Variants in PBX1 observed in about 807,000 individuals in gnomAD.
The protein encoded by PBX1 is pre-B-cell leukemia transcription factor 1.
A neutral mutation model predicts 53.4 loss-of-function variants in PBX1; 6 were observed. That is an observed-to-expected ratio of 0.11 (90% CI 0.06 to 0.22). PBX1 has a LOEUF of 0.22. Among genes scored for constraint, PBX1 ranks in the 10% least tolerant of loss-of-function variants. The pLI, the probability that PBX1 is intolerant of heterozygous loss-of-function variation, is 1.00. For missense variants in PBX1, 251 were observed against 551.4 expected, an observed-to-expected ratio of 0.46 and a Z score of 5.46; for synonymous variants, 204 against 212.3, an observed-to-expected ratio of 0.96 and a Z score of 0.34.
chr1:164,764,694 T>C (rs538373419), intron 2 of PBX1, among the ~76,000 whole-genome samples: 19 of 152,324 alleles, frequency 1.2e-4, no homozygotes, highest in African/African-American at 4.3e-4. Context: ...TGTCTAGTTA[T>C]AGCCCACCTA....
intron 4 of PBX1, among the ~76,000 whole-genome samples, chr1:164,806,165 C>T (rs1669335842): frequency 6.6e-6 from 1 of 152,170 alleles, no homozygotes; most frequent in African/African-American, 2.4e-5. Context: ...TCAAGGAGGG[C>T]CAACCAGCCC....
chr1:164,614,489 A>G (rs1344143636), intron 2 of PBX1, among the ~76,000 whole-genome samples: 1 of 150,688 alleles, frequency 6.6e-6, no homozygotes, highest in Non-Finnish European at 1.5e-5. Flanking sequence ...TGCCACCCCC[A>G]CTCCTACCTC....
chr1:164,818,695 G>C (rs547655077), intron 6 of PBX1: 8 of 150,272 alleles, frequency 5.3e-5, no homozygotes, highest in Non-Finnish European at 1.2e-4. Context: ...TTCTCTAAAT[G>C]GCTCTTGCCT....
At chr1:164,565,652 G>C (rs914274208) in intron 2 of PBX1, among the ~76,000 whole-genome samples, 1 of 152,006 alleles carries the variant, frequency 6.6e-6, no homozygotes, top group Non-Finnish European at 1.5e-5. Flanking sequence ...ACGATTACTT[G>C]GCTACTCAAG....
Position 164,848,958 on chromosome 1 carries a change from G to C in PBX1, c.*2282G>C. The C allele has an allele frequency of 9.2e-7, 1 of 1,084,510 alleles. No homozygotes were observed. The highest frequency in any genetic ancestry group is 1.1e-6 in the Non-Finnish European group (1 of 892,112). The allele number at this position is 1,084,510 out of a possible 1,614,324, so 67.2% of individuals were successfully genotyped here. A position where few individuals can be genotyped will look rare whatever the true frequency, so the allele number is the denominator to read the frequency against. ...CTTGATGACTAAAAGGCACTAGAAAGGTTGTGTCTACTAACTTCAGCCCTA... is the reference window on the plus strand; with the variant it reads ...CTTGATGACTAAAAGGCACTAGAAACGTTGTGTCTACTAACTTCAGCCCTA... On this transcript the variant is annotated 3_prime_UTR_variant, in exon 9 of 9. Coordinates refer to ENST00000420696, the MANE Select transcript of PBX1 (RefSeq NM_002585.4).
intron 2 of PBX1, among the ~76,000 whole-genome samples, chr1:164,564,351 CAATA>C (rs1299582919): frequency 1.3e-5 from 2 of 149,846 alleles, no homozygotes; most frequent in African/African-American, 4.9e-5. Flanking sequence ...ATGAAAGTGA[CAATA>C]AATATGATTG....
intron 2 of PBX1, among the ~76,000 whole-genome samples, chr1:164,758,267 T>C (rs1666630488): frequency 6.6e-6 from 1 of 152,222 alleles, no homozygotes; most frequent in South Asian, 2.1e-4. Context: ...AATGGTTGTT[T>C]CAGACAACCA....
chr1:164,604,638 G>A (rs76084430), intron 2 of PBX1, among the ~76,000 whole-genome samples: 4,995 of 152,258 alleles, frequency 0.033, 104 homozygotes, highest in South Asian at 0.048. Flanking sequence ...GCATTCATAT[G>A]TAATAAATAA....
intron 2 of PBX1, among the ~76,000 whole-genome samples, chr1:164,654,182 C>CT (rs1557919093): frequency 6.6e-6 from 1 of 152,106 alleles, no homozygotes; most frequent in African/African-American, 2.4e-5. Flanking sequence ...ATATGAAAAA[C>CT]TTTGTCACTC....
chr1:164,669,076 T>C (rs1414641009), intron 2 of PBX1, among the ~76,000 whole-genome samples: 1 of 147,808 alleles, frequency 6.8e-6, no homozygotes, highest in Admixed American at 6.6e-5. Flanking sequence ...AACATTTTCC[T>C]CTTACCTCCC....
intron 2 of PBX1, among the ~76,000 whole-genome samples, chr1:164,879,667 G>T (rs1422024307): frequency 6.6e-6 from 1 of 152,118 alleles, no homozygotes; most frequent in African/African-American, 2.4e-5. Context: ...AAGTCAACAC[G>T]GTAGTCATGA....
rs933593412 is a variant in PBX1 at position 164,871,908 on chromosome 1, G to A, written n.258-27280G>A. Among the ~76,000 whole-genome samples, 9 of 143,236 alleles carry A rather than the reference G, an allele frequency of 6.3e-5. No individual in the cohort carries two copies. In the East Asian group the frequency reaches 8.2e-4, roughly 13 times the overall value. 94.0% of individuals were successfully genotyped at this position (143,236 alleles called of 152,430 possible). A position where few individuals can be genotyped will look rare whatever the true frequency, so the allele number is the denominator to read the frequency against. ...ACTTGTTTGTTTAAAAGAACACACCGAACTCAAAGTTTCCCTTTATAAGGA... is the reference window on the plus strand; with the variant it reads ...ACTTGTTTGTTTAAAAGAACACACCAAACTCAAAGTTTCCCTTTATAAGGA... On this transcript the variant is annotated intron_variant and non_coding_transcript_variant, in intron 2 of 2. Transcript: ENST00000558796.
intron 2 of PBX1, among the ~76,000 whole-genome samples, chr1:164,776,978 A>AGAGAGAGAGATG (rs1553244687): frequency 6.5e-5 from 3 of 46,482 alleles, no homozygotes; most frequent in South Asian, 9.2e-4. Flanking sequence ...AGAGAGAGAG[A>AGAGAGAGAGATG]GGAGGTGTGG....
At chr1:164,830,727 C>T (rs1278355261) in intron 8 of PBX1, among the ~76,000 whole-genome samples, 1 of 152,114 alleles carries the variant, frequency 6.6e-6, no homozygotes, top group Admixed American at 6.6e-5. Flanking sequence ...TTCAAGTCTC[C>T]CAGGTGACCT....
At chr1:164,636,990 T>A (rs1369391419) in intron 2 of PBX1, among the ~76,000 whole-genome samples, 2 of 152,166 alleles carry the variant, frequency 1.3e-5, no homozygotes, top group Non-Finnish European at 2.9e-5. Context: ...TTTGCACTTA[T>A]AGAAATGTAG....
At chr1:164,602,923 T>G (rs1239220807) in intron 2 of PBX1, among the ~76,000 whole-genome samples, 3 of 152,168 alleles carry the variant, frequency 2.0e-5, no homozygotes, top group Non-Finnish European at 4.4e-5. Context: ...CCACGTCCCG[T>G]CCCGGCTGGC....
rs1671801645 is a variant in PBX1 at position 164,850,889 on chromosome 1, A to C, written c.*4213A>C. 1 of 211,562 alleles carries C rather than the reference A, an allele frequency of 4.7e-6. No homozygotes were observed. Among genetic ancestry groups the C allele is most frequent in the Non-Finnish European group, 9.6e-6 (1 of 104,462 alleles). The allele number at this position is 211,562 out of a possible 1,614,324, so 13.1% of individuals were successfully genotyped here. A position where few individuals can be genotyped will look rare whatever the true frequency, so the allele number is the denominator to read the frequency against. ...AAGTACTTTGTTTTATTTCTCCCTA[A>C]TTAATAACTACATTCCATGAGGCCT... is the stretch of plus-strand genomic sequence containing the variant. On this transcript the variant is annotated 3_prime_UTR_variant, in exon 9 of 9. Coordinates refer to ENST00000420696, the MANE Select transcript of PBX1 (RefSeq NM_002585.4).
At chr1:164,675,006 CAAAG>C (rs1227965286) in intron 2 of PBX1, among the ~76,000 whole-genome samples, 1 of 152,062 alleles carries the variant, frequency 6.6e-6, no homozygotes, top group Non-Finnish European at 1.5e-5. Flanking sequence ...CAGAACAACT[CAAAG>C]AGATTGGCAA....
intron 2 of PBX1, among the ~76,000 whole-genome samples, chr1:164,636,643 A>T (rs1433479359): frequency 6.6e-6 from 1 of 152,146 alleles, no homozygotes; most frequent in African/African-American, 2.4e-5. Context: ...GAAGAGCTTG[A>T]GAAGGAGACA....
Sources: allele counts gnomAD v4.1 joint callset (sites outside exome capture counted in the v4.1 genomes callset), GRCh38; gene constraint gnomAD v4.1.1; transcripts MANE v1.5; gene names NCBI Gene and HGNC (gene_info 2026-07-23, HGNC 2026-07-21).